RMP64: variants seen among roughly 807,000 people sequenced by gnomAD.
The protein encoded by RMP64 is nucleolus and neural progenitor protein.
At chr3:113,008,297 A>G in the RMP64 span, 1 of 1,614,172 alleles carries the variant, frequency 6.2e-7, no homozygotes, top group South Asian at 1.1e-5. Context: ...TTCTTCAGAA[A>G]GTTGTGTGAA....
chr3:113,007,962 A>G, the RMP64 span, among the ~76,000 whole-genome samples: 6 of 152,356 alleles, frequency 3.9e-5, no homozygotes, highest in Admixed American at 2.6e-4. Flanking sequence ...CGGGGACTGA[A>G]GTCCAATTAA....
chr3:113,008,461 T>C, the RMP64 span: 1 of 1,574,580 alleles, frequency 6.4e-7, no homozygotes, highest in Non-Finnish European at 8.7e-7. Context: ...AAAAATATAT[T>C]GGACATGTTA....
At chr3:113,017,680 G>A in the RMP64 span, 1 of 1,291,334 alleles carries the variant, frequency 7.7e-7, no homozygotes. Context: ...ACTAAAAAAA[G>A]CATCTTTCCT....
the RMP64 span, chr3:113,011,053 A>T: frequency 6.3e-7 from 1 of 1,581,412 alleles, no homozygotes; most frequent in East Asian, 2.2e-5. Context: ...ACCTTTGAAG[A>T]CTCTCTTATT....
At chr3:113,009,929 C>A in the RMP64 span, among the ~76,000 whole-genome samples, 1 of 149,958 alleles carries the variant, frequency 6.7e-6, no homozygotes. Flanking sequence ...TAAACTAACC[C>A]ATGAAAAATA....
the RMP64 span, chr3:113,012,699 G>T: frequency 8.5e-7 from 1 of 1,172,406 alleles, no homozygotes; most frequent in Non-Finnish European, 1.3e-6. Context: ...AAGGAGATGA[G>T]AAAGAAATGA....
the RMP64 span, among the ~76,000 whole-genome samples, chr3:113,015,246 A>T: frequency 6.6e-6 from 1 of 152,112 alleles, no homozygotes; most frequent in Non-Finnish European, 1.5e-5. Context: ...TAAAAATCCT[A>T]TTGAGTGCTT....
At chr3:113,013,493 T>C in the RMP64 span, 8 of 1,157,972 alleles carry the variant, frequency 6.9e-6, no homozygotes, top group South Asian at 4.6e-5. Context: ...ACCAGTTTAT[T>C]ATAAAGGATA....
chr3:113,006,044 G>A, the RMP64 span: 5 of 1,373,076 alleles, frequency 3.6e-6, no homozygotes, highest in Non-Finnish European at 4.0e-6. Flanking sequence ...GGCTTAAGAT[G>A]AGAAAAACAT....
the RMP64 span, chr3:113,009,728 T>C: frequency 1.3e-5 from 2 of 152,154 alleles, no homozygotes; most frequent in Admixed American, 1.3e-4. Context: ...AAAACAGTAA[T>C]AAGCATGCCC....
the RMP64 span, chr3:113,019,660 G>C: frequency 1.1e-5 from 17 of 1,608,506 alleles, no homozygotes; most frequent in Admixed American, 1.7e-4. Flanking sequence ...GAGGCGGGGG[G>C]ACTTACGAAA....
chr3:113,008,438 G>A, the RMP64 span: 102 of 1,600,514 alleles, frequency 6.4e-5, no homozygotes, highest in East Asian at 4.9e-4. Context: ...CTCCTGAAAC[G>A]TGGAAAGATG....
At chr3:113,012,857 G>A in the RMP64 span, 2 of 1,089,402 alleles carry the variant, frequency 1.8e-6, no homozygotes, top group Non-Finnish European at 2.8e-6. Context: ...AGTAATGTGG[G>A]TTTTGTAAGT....
the RMP64 span, among the ~76,000 whole-genome samples, chr3:113,009,318 G>A: frequency 6.6e-6 from 1 of 151,576 alleles, no homozygotes; most frequent in Non-Finnish European, 1.5e-5. Flanking sequence ...CACTCAAAAG[G>A]AACTTTAAAA....
the RMP64 span, among the ~76,000 whole-genome samples, chr3:113,010,088 C>T: frequency 6.6e-6 from 1 of 152,106 alleles, no homozygotes; most frequent in South Asian, 2.1e-4. Context: ...AAACTTGAAC[C>T]TCAACAGGAG....
the RMP64 span, chr3:113,013,928 C>G: frequency 6.5e-7 from 1 of 1,549,360 alleles, no homozygotes. Context: ...CACCACATCA[C>G]AAAGCAACTG....
At chr3:113,012,737 A>G in the RMP64 span, 3 of 1,574,860 alleles carry the variant, frequency 1.9e-6, no homozygotes, top group Non-Finnish European at 2.6e-6. Flanking sequence ...TACATACCAT[A>G]ACCTGCTCAC....
At chr3:113,003,528 T>C in the RMP64 span, 2 of 152,196 alleles carry the variant, frequency 1.3e-5, no homozygotes, top group African/African-American at 4.8e-5. Flanking sequence ...AATTGTCATT[T>C]TGTGGACACA....
chr3:113,015,359 AT>A, the RMP64 span, among the ~76,000 whole-genome samples: 1 of 152,248 alleles, frequency 6.6e-6, no homozygotes, highest in Non-Finnish European at 1.5e-5. Context: ...AAGGCAGTCA[AT>A]CAATGGCAGG....
Sources: allele counts gnomAD v4.1 joint callset (sites outside exome capture counted in the v4.1 genomes callset), GRCh38; gene constraint gnomAD v4.1.1; transcripts MANE v1.5; gene names NCBI Gene and HGNC (gene_info 2026-07-23, HGNC 2026-07-21).